Variants in DUSP22 observed in about 807,000 individuals in gnomAD.
DUSP22 encodes dual specificity phosphatase 22, also known as dual specificity protein phosphatase 22.
In DUSP22, 24 loss-of-function variants were observed where a neutral mutation model predicts 24.5. The observed-to-expected ratio is 0.98, with a 90% CI of 0.71 to 1.38. DUSP22 has a LOEUF of 1.38. Ranked by LOEUF, DUSP22 falls within the 40% of genes most tolerant of loss-of-function variation. The pLI is 0.00. For synonymous variants in DUSP22, 160 were observed against 106.4 expected, an observed-to-expected ratio of 1.50 and a Z score of -3.10; for missense variants, 330 against 269.2, an observed-to-expected ratio of 1.23 and a Z score of -1.58.
At chr6:322,830 T>TGGGGGGGGGGGGGG (rs61690495) in intron 3 of DUSP22, among the ~76,000 whole-genome samples, 1 of 18,796 alleles carries the variant, frequency 5.3e-5, no homozygotes, top group African/African-American at 1.8e-4. Flanking sequence ...GGCTGCTTGG[T>TGGGGGGGGGGGGGG]GGGGCGGGGG....
At chr6:319,067 CTG>C in intron 3 of DUSP22, among the ~76,000 whole-genome samples, 1 of 152,154 alleles carries the variant, frequency 6.6e-6, no homozygotes, top group African/African-American at 2.4e-5. Flanking sequence ...ACTCCTCAAA[CTG>C]GTGATTTCCT....
rs1250895797 is a variant in DUSP22 at position 298,880 on chromosome 6, C to CAGAAAGTAA, written c.22-5748_22-5747insAGAAAGTAA. Among the ~76,000 whole-genome samples, 3 of 128,456 alleles carry CAGAAAGTAA rather than the reference C, an allele frequency of 2.3e-5. No homozygotes were observed. In the Admixed American group the frequency reaches 2.4e-4, roughly 10 times the overall value. 84.3% of individuals were successfully genotyped at this position (128,456 alleles called of 152,430 possible). On this transcript the variant is annotated intron_variant, in intron 1 of 6. Transcript: ENST00000419235. ...ATGCACCCTCTGCTGCAAGATCAGT[C>CAGAAAGTAA]CGAAAGTAAGGAAATGAATACAGCC...
intron 1 of DUSP22, among the ~76,000 whole-genome samples, chr6:294,973 AC>A (rs541728020): frequency 1.7e-4 from 26 of 152,290 alleles, no homozygotes; most frequent in Non-Finnish European, 2.8e-4. Context: ...ACCCCAAATC[AC>A]AAGGTTCATT....
At position 348,142 on chromosome 6, in the gene DUSP22, A is replaced by G. The variant is rs773584633; in HGVS notation, c.303A>G (p.Ala101=). Residue 101 remains alanine (A), a synonymous_variant, in exon 6 of 7, where the codon GCA becomes GCG. Transcript: ENST00000419235. ...GVSRSVTLVI[A]YIMTVTDFGW... ...CCAGGAGCGTGACACTGGTGATCGCATACATCATGACCGTCACTGACTTTG... is the reference window on the plus strand; with the variant it reads ...CCAGGAGCGTGACACTGGTGATCGCGTACATCATGACCGTCACTGACTTTG... 5.0e-6 allele frequency: 8 copies of G among 1,614,290 alleles called. No individual in the cohort carries two copies. The South Asian group carries it at 8.8e-5, about 18-fold the overall frequency.
At chr6:298,082 C>T (rs972520874) in intron 1 of DUSP22, among the ~76,000 whole-genome samples, 7 of 152,300 alleles carry the variant, frequency 4.6e-5, no homozygotes, top group African/African-American at 1.2e-4. Flanking sequence ...GGCCACATGC[C>T]GGTGGGCTCT....
intron 4 of DUSP22, chr6:338,204 T>C (rs1262355784): frequency 2.0e-5 from 3 of 152,474 alleles, no homozygotes; most frequent in Admixed American, 6.5e-5. Context: ...TCGACACACA[T>C]ATGTCCATGA....
chr6:293,509 T>TCCACC (rs148652335), intron 1 of DUSP22, among the ~76,000 whole-genome samples: 20,526 of 147,010 alleles, frequency 0.14, no homozygotes, highest in Middle Eastern at 0.19. Context: ...TTCATTGCGC[T>TCCACC]CCACCCACCC....
chr6:335,862 GT>G (rs1374489350), intron 4 of DUSP22, among the ~76,000 whole-genome samples: 3 of 152,300 alleles, frequency 2.0e-5, no homozygotes, highest in Non-Finnish European at 4.4e-5. Flanking sequence ...ATAGGTCGTT[GT>G]GGCTTAGGAA....
chr6:314,430 A>C (rs905028124), intron 3 of DUSP22, among the ~76,000 whole-genome samples: 1 of 152,306 alleles, frequency 6.6e-6, no homozygotes, highest in Admixed American at 6.5e-5. Context: ...CGTATTGGGC[A>C]CTACACTGTG....
In DUSP22 at chr6:346,395, G is replaced by A. The variant is rs376397333; in HGVS notation, c.263+467G>A. Among the ~76,000 whole-genome samples the A allele has an allele frequency of 5.2e-5, 8 of 152,382 alleles. No homozygotes were observed. In the South Asian group the frequency reaches 1.0e-3, roughly 20 times the overall value. ...CACCAGAATGACCCAGTTTAGTGAC[G>A]GCTGTCTGTTTGCATCCTGCTATAT... On this transcript the variant is annotated intron_variant, in intron 5 of 6. Coordinates refer to ENST00000419235, the MANE Select transcript of DUSP22 (RefSeq NM_001286555.3).
chr6:304,306 A>C (rs1001383462), intron 1 of DUSP22, among the ~76,000 whole-genome samples: 2 of 152,304 alleles, frequency 1.3e-5, no homozygotes, highest in East Asian at 3.8e-4. Flanking sequence ...GCAGAGCTGC[A>C]GGGCCGCCAG....
chr6:303,331 T>C (rs1441818952), intron 1 of DUSP22, among the ~76,000 whole-genome samples: 1 of 152,308 alleles, frequency 6.6e-6, no homozygotes, highest in Non-Finnish European at 1.5e-5. Flanking sequence ...TGTCCCAGTT[T>C]GGCCGATACA....
intron 3 of DUSP22, among the ~76,000 whole-genome samples, chr6:314,737 T>C (rs1391365819): frequency 2.0e-5 from 3 of 152,312 alleles, no homozygotes; most frequent in Non-Finnish European, 2.9e-5. Context: ...TGCTTGCTTA[T>C]GTGATGTGCC....
At chr6:344,630 T>G (rs1759770497) in intron 4 of DUSP22, among the ~76,000 whole-genome samples, 1 of 152,296 alleles carries the variant, frequency 6.6e-6, no homozygotes, top group African/African-American at 2.4e-5. Context: ...TTGGCATGTA[T>G]TACCTCATCT....
At chr6:295,868 C>T (rs534444617) in intron 1 of DUSP22, among the ~76,000 whole-genome samples, 2 of 150,960 alleles carry the variant, frequency 1.3e-5, no homozygotes, top group South Asian at 4.2e-4. Flanking sequence ...TTTATAAAAT[C>T]TCAGCCTCAC....
In DUSP22 at chr6:350,158, T is replaced by C. The variant is rs143745426; in HGVS notation, c.*1207T>C. The C allele has an allele frequency of 5.1e-5, 50 of 986,168 alleles. No individual in the cohort carries two copies. The African/African-American group carries it at 7.3e-4, about 14-fold the overall frequency. 61.1% of individuals were successfully genotyped at this position (986,168 alleles called of 1,614,324 possible). A position where few individuals can be genotyped will look rare whatever the true frequency, so the allele number is the denominator to read the frequency against. ...GTCAGCTTTGCCTCACAGTTGAAAA[T>C]GTTCGGTCATGATTGCTTTTGAAAC... On this transcript the variant is annotated 3_prime_UTR_variant, in exon 7 of 7. Transcript: ENST00000419235.
At chr6:300,851 C>A (rs1438512952) in intron 1 of DUSP22, among the ~76,000 whole-genome samples, 2 of 152,300 alleles carry the variant, frequency 1.3e-5, no homozygotes, top group Admixed American at 6.5e-5. Flanking sequence ...GGGCAGACAG[C>A]CTGGAAGGCT....
intron 5 of DUSP22, among the ~76,000 whole-genome samples, chr6:347,853 G>A (rs1185933668): frequency 1.3e-5 from 2 of 152,296 alleles, no homozygotes; most frequent in African/African-American, 4.8e-5. Context: ...TGGAGCCACA[G>A]CCCATAGAAA....
intron 6 of DUSP22, 111 bp downstream of exon 6, chr6:348,385 G>GTTTGGAGTTGAA: frequency 6.6e-7 from 1 of 1,520,754 alleles, no homozygotes; most frequent in South Asian, 1.3e-5. Flanking sequence ...AAGGCCCACA[G>GTTTGGAGTTGAA]AGGACATCGG....
Sources: gnomAD v4.1 joint callset for allele counts (sites outside exome capture counted in the v4.1 genomes callset) on GRCh38, gnomAD v4.1.1 for gene constraint, MANE v1.5 for transcripts, NCBI Gene and HGNC (gene_info 2026-07-23, HGNC 2026-07-21) for gene names.